TMEM163: variants seen among roughly 807,000 people sequenced by gnomAD.
TMEM163 encodes the protein transmembrane protein 163.
Under a neutral mutation model 29.3 loss-of-function variants are expected in TMEM163, and 17 were observed. The observed-to-expected ratio is 0.58, with a 90% CI of 0.40 to 0.87. The LOEUF (loss-of-function observed/expected upper bound fraction) is 0.87. Among genes scored for constraint, TMEM163 ranks in the 40% least tolerant of loss-of-function variants. The pLI is 0.00. For synonymous variants in TMEM163, 157 were observed against 160.6 expected (o/e 0.98, Z 0.17); for missense variants, 303 against 381.5 (o/e 0.79, Z 1.71).
intron 4 of TMEM163, among the ~76,000 whole-genome samples, chr2:134,544,056 G>A (rs1680730289): frequency 6.6e-6 from 1 of 152,144 alleles, no homozygotes; most frequent in African/African-American, 2.4e-5. Context: ...GGAGACAGCT[G>A]GGCCTGGGGA....
chr2:134,638,963 C>G (rs983963026), intron 2 of TMEM163, among the ~76,000 whole-genome samples: 7 of 152,150 alleles, frequency 4.6e-5, no homozygotes, highest in African/African-American at 1.7e-4. Flanking sequence ...TTAGGCACCA[C>G]CCACAGAGGT....
chr2:134,580,587 A>C (rs1020324144), intron 2 of TMEM163, among the ~76,000 whole-genome samples: 1 of 152,166 alleles, frequency 6.6e-6, no homozygotes, highest in African/African-American at 2.4e-5. Flanking sequence ...TTAATCTGGA[A>C]TTAGCCCAAG....
chr2:134,559,145 G>A (rs1681111887), intron 2 of TMEM163, among the ~76,000 whole-genome samples: 1 of 152,070 alleles, frequency 6.6e-6, no homozygotes, highest in Non-Finnish European at 1.5e-5. Context: ...TCTCCCAGTG[G>A]TGCCAATGCT....
intron 2 of TMEM163, among the ~76,000 whole-genome samples, chr2:134,684,269 G>A (rs1239824908): frequency 6.6e-6 from 1 of 152,122 alleles, no homozygotes; most frequent in Non-Finnish European, 1.5e-5. Flanking sequence ...ATGAAAAGAT[G>A]TATCAAGCAT....
At chr2:134,482,926 C>T (rs4954147) in intron 5 of TMEM163, among the ~76,000 whole-genome samples, 17,073 of 152,126 alleles carry the variant, frequency 0.11, 1,207 homozygotes, top group South Asian at 0.2. Context: ...CCTTGGTCCC[C>T]GGCATTTTCT....
chr2:134,560,320 T>A (rs1374114940), intron 2 of TMEM163, among the ~76,000 whole-genome samples: 2 of 152,218 alleles, frequency 1.3e-5, no homozygotes, highest in African/African-American at 4.8e-5. Context: ...AAGCTTTGAA[T>A]GTTTGTTCCC....
chr2:134,577,413 G>A (rs969948578), intron 2 of TMEM163, among the ~76,000 whole-genome samples: 1 of 152,174 alleles, frequency 6.6e-6, no homozygotes, highest in African/African-American at 2.4e-5. Flanking sequence ...AGGGTTAGGG[G>A]AGGCACAGCT....
At chr2:134,580,062 C>T (rs974916559) in intron 2 of TMEM163, among the ~76,000 whole-genome samples, 1 of 152,162 alleles carries the variant, frequency 6.6e-6, no homozygotes, top group African/African-American at 2.4e-5. Flanking sequence ...AAAAAAATCT[C>T]AATCCCAGGC....
chr2:134,499,403 C>T (rs17731115), intron 5 of TMEM163, among the ~76,000 whole-genome samples: 20,204 of 152,228 alleles, frequency 0.13, 1,678 homozygotes, highest in Middle Eastern at 0.3. Context: ...GACGGCTCTG[C>T]GGAATCTGTT....
intron 5 of TMEM163, among the ~76,000 whole-genome samples, chr2:134,497,053 C>T (rs944336321): frequency 6.6e-6 from 1 of 152,144 alleles, no homozygotes; most frequent in African/African-American, 2.4e-5. Context: ...GGAAGGTCCC[C>T]ACATACCTCC....
intron 2 of TMEM163, among the ~76,000 whole-genome samples, chr2:134,628,218 A>G (rs1682894245): frequency 6.6e-6 from 1 of 152,264 alleles, no homozygotes; most frequent in Non-Finnish European, 1.5e-5. Context: ...CAAAATGTAT[A>G]TAGCTACTTC....
At chr2:134,627,890 T>C (rs1169418230) in intron 2 of TMEM163, among the ~76,000 whole-genome samples, 2 of 152,206 alleles carry the variant, frequency 1.3e-5, no homozygotes, top group Non-Finnish European at 2.9e-5. Context: ...AAATTTGAAA[T>C]GATGCTCTTC....
intron 5 of TMEM163, among the ~76,000 whole-genome samples, chr2:134,484,434 T>C (rs1286730582): frequency 6.6e-6 from 1 of 152,096 alleles, no homozygotes; most frequent in Non-Finnish European, 1.5e-5. Flanking sequence ...ATTCCAGCAC[T>C]TTGGGAGGCT....
chr2:134,511,689 G>A (rs1348352880), intron 4 of TMEM163, among the ~76,000 whole-genome samples: 1 of 152,208 alleles, frequency 6.6e-6, no homozygotes. Flanking sequence ...GGGAATAAGG[G>A]AACCAGTGGC....
intron 5 of TMEM163, among the ~76,000 whole-genome samples, chr2:134,474,650 T>G (rs1053439102): frequency 6.6e-6 from 1 of 152,180 alleles, no homozygotes; most frequent in Non-Finnish European, 1.5e-5. Context: ...AACATACTTA[T>G]TAGAACTATA....
intron 4 of TMEM163, among the ~76,000 whole-genome samples, chr2:134,522,538 C>A (rs1239669556): frequency 6.6e-6 from 1 of 152,238 alleles, no homozygotes; most frequent in African/African-American, 2.4e-5. Context: ...AAAAGTCCCA[C>A]AACCAGAAAT....
intron 2 of TMEM163, among the ~76,000 whole-genome samples, chr2:134,650,167 T>C (rs1473308288): frequency 1.3e-5 from 2 of 152,092 alleles, no homozygotes; most frequent in Non-Finnish European, 2.9e-5. Flanking sequence ...ATATATGCTT[T>C]AGTATGTATA....
chr2:134,568,052 T>C lies in TMEM163; in HGVS notation c.323-15961A>G, dbSNP rs1470691605. On this transcript the variant is annotated intron_variant, in intron 2 of 7. Coordinates refer to ENST00000281924, the MANE Select transcript of TMEM163 (RefSeq NM_030923.5). ...CTTCTAACTTAAAATAAAACTAGAC[T>C]TAAGTAAGATTTATAATAGAATAAG... 2.0e-5 allele frequency among the ~76,000 whole-genome samples: 3 copies of C among 152,242 alleles called. No individual in the cohort carries two copies. In the East Asian group the frequency reaches 5.8e-4, roughly 29 times the overall value.
At chr2:134,677,280 G>A (rs1027366918) in intron 2 of TMEM163, among the ~76,000 whole-genome samples, 6 of 152,180 alleles carry the variant, frequency 3.9e-5, no homozygotes, top group African/African-American at 1.2e-4. Flanking sequence ...TTTTAAAGGC[G>A]TCTCTGAAGT....
Sources: gnomAD v4.1 joint callset for allele counts (sites outside exome capture counted in the v4.1 genomes callset) on GRCh38, gnomAD v4.1.1 for gene constraint, MANE v1.5 for transcripts, NCBI Gene and HGNC (gene_info 2026-07-23, HGNC 2026-07-21) for gene names.